GRID2: variants seen among roughly 807,000 people sequenced by gnomAD.
GRID2 encodes the protein glutamate ionotropic receptor delta type subunit 2, also known as glutamate receptor ionotropic, delta-2.
Under a neutral mutation model 114.8 loss-of-function variants are expected in GRID2, and 33 were observed. The ratio of observed to expected loss-of-function variants is 0.29; its 90% CI spans 0.22 to 0.38. The LOEUF (loss-of-function observed/expected upper bound fraction) is 0.38. Ranked by LOEUF, GRID2 falls within the 10% of genes least tolerant of loss-of-function variation. The pLI is 1.00. For missense variants in GRID2, 1,184 were observed against 1,257.7 expected (o/e 0.94, Z 0.89); for synonymous variants, 505 against 449.9 (o/e 1.12, Z -1.55).
chr4:93,503,267 G>A (rs1728301093), intron 12 of GRID2, among the ~76,000 whole-genome samples: 1 of 152,054 alleles, frequency 6.6e-6, no homozygotes, highest in Non-Finnish European at 1.5e-5. Flanking sequence ...TATTATTAAA[G>A]GAGACTGAAG....
chr4:93,132,146 G>A (rs564570613), intron 4 of GRID2, among the ~76,000 whole-genome samples: 94 of 152,242 alleles, frequency 6.2e-4, no homozygotes, highest in African/African-American at 2.1e-3. Flanking sequence ...AGTATAGGCC[G>A]GGATGTTGCA....
chr4:93,453,054 A>G (rs1354554133), intron 10 of GRID2, among the ~76,000 whole-genome samples: 1 of 103,390 alleles, frequency 9.7e-6, no homozygotes, highest in Non-Finnish European at 1.9e-5. Flanking sequence ...CCACCCCACA[A>G]CAGGCCCCGG....
chr4:93,140,422 T>C (rs77400635), intron 4 of GRID2, among the ~76,000 whole-genome samples: 11,913 of 152,174 alleles, frequency 0.078, 551 homozygotes, highest in East Asian at 0.23. Flanking sequence ...CCTCCCAAAG[T>C]GCTGGGATTA....
At position 93,316,276 on chromosome 4, in the gene GRID2, A is replaced by AAAAGAACGAAAGAACG. The variant is rs1245535342; in HGVS notation, c.1245+77793_1245+77808dup. On this transcript the variant is annotated intron_variant, in intron 8 of 15. Coordinates refer to ENST00000282020, the MANE Select transcript of GRID2 (RefSeq NM_001510.4). The stretch of plus-strand genomic sequence containing the variant: ...AAAAAAGAAAGAAAGAGAAAGAAAG[A>AAAAGAACGAAAGAACG]AAAGAACGAAAGAACGAAAGAAAGA... Among the ~76,000 whole-genome samples, 160 of 57,378 alleles carry AAAAGAACGAAAGAACG rather than the reference A, an allele frequency of 2.8e-3. 2 individuals are homozygous for AAAAGAACGAAAGAACG. The Middle Eastern group carries it at 0.029, about 10-fold the overall frequency. The allele number at this position is 57,378 out of a possible 152,430, so 37.6% of individuals were successfully genotyped here. A position where few individuals can be genotyped will look rare whatever the true frequency, so the allele number is the denominator to read the frequency against.
chr4:92,904,868 C>G (rs1307356561), intron 2 of GRID2, among the ~76,000 whole-genome samples: 1 of 151,926 alleles, frequency 6.6e-6, no homozygotes, highest in East Asian at 1.9e-4. Context: ...GTCCATAAAG[C>G]TTTATGACTT....
At chr4:93,219,297 T>C (rs949137842) in intron 6 of GRID2, among the ~76,000 whole-genome samples, 2 of 152,170 alleles carry the variant, frequency 1.3e-5, no homozygotes, top group African/African-American at 4.8e-5. Context: ...TACAGCATAT[T>C]TGCCTAACAA....
chr4:93,453,755 G>C (rs1722936391), intron 10 of GRID2, among the ~76,000 whole-genome samples: 1 of 151,842 alleles, frequency 6.6e-6, no homozygotes, highest in Non-Finnish European at 1.5e-5. Context: ...TCCTCCTCAG[G>C]TGGAATTTTC....
intron 1 of GRID2, among the ~76,000 whole-genome samples, chr4:92,379,974 T>C (rs1425858940): frequency 6.6e-6 from 1 of 151,890 alleles, no homozygotes; most frequent in African/African-American, 2.4e-5. Flanking sequence ...GAGAAGAAAA[T>C]ATCGTTTGTT....
chr4:92,541,440 TCATGGAATGTGAAAAAAC>T lies in GRID2; in HGVS notation c.89-48687_89-48670del, dbSNP rs1410719753. On this transcript the variant is annotated intron_variant, in intron 1 of 15. Transcript: ENST00000282020. The stretch of plus-strand genomic sequence containing the variant: ...ACTTTAATCTTTATATTTGAAAGCT[TCATGGAATGTGAAAAAAC>T]CATATTAATCTTATCTCAATTTTCC... 3.7e-4 allele frequency among the ~76,000 whole-genome samples: 56 copies of T among 151,930 alleles called. 1 individual carries two copies. Among genetic ancestry groups the T allele is most frequent in the Admixed American group, 3.7e-3 (56 of 15,230 alleles).
chr4:92,528,428 T>C (rs554449127), intron 1 of GRID2, among the ~76,000 whole-genome samples: 32 of 151,960 alleles, frequency 2.1e-4, no homozygotes, highest in Non-Finnish European at 3.8e-4. Context: ...TTTAAAACTT[T>C]CCTTTTCCAA....
At chr4:92,332,296 G>A (rs183840155) in intron 1 of GRID2, among the ~76,000 whole-genome samples, 15 of 152,140 alleles carry the variant, frequency 9.9e-5, no homozygotes, top group East Asian at 5.8e-4. Flanking sequence ...CAGGGCATTC[G>A]TGAGAGAACA....
chr4:92,915,856 T>C (rs1192664080), intron 2 of GRID2, among the ~76,000 whole-genome samples: 2 of 152,166 alleles, frequency 1.3e-5, no homozygotes, highest in Non-Finnish European at 2.9e-5. Flanking sequence ...TGGCCACATG[T>C]ATGTCTTCTT....
intron 2 of GRID2, among the ~76,000 whole-genome samples, chr4:92,890,097 C>T (rs1355984150): frequency 6.6e-6 from 1 of 152,134 alleles, no homozygotes; most frequent in Non-Finnish European, 1.5e-5. Flanking sequence ...CATCCTTACA[C>T]CTTATACAAA....
chr4:93,782,917 ACACAC>A (rs1561002085), intron 1 of GRID2, among the ~76,000 whole-genome samples: 2 of 151,930 alleles, frequency 1.3e-5, no homozygotes, highest in African/African-American at 4.8e-5. Context: ...ACACACACAC[ACACAC>A]AAACTAATCT....
In GRID2 at chr4:93,515,206, A is replaced by G; in HGVS notation, c.1998-10A>G. The G allele has an allele frequency of 7.0e-7, 1 of 1,423,450 alleles. No individual in the cohort carries two copies. Among genetic ancestry groups the G allele is most frequent in the Non-Finnish European group, 9.6e-7 (1 of 1,042,306 alleles). 88.2% of individuals were successfully genotyped at this position (1,423,450 alleles called of 1,614,324 possible). ...GTCTCTTGTGTCTCTCTTCTCTCCC[A>G]ATAATCAAGGTCTCTCCAGGACCTT... On this transcript the variant is annotated splice_polypyrimidine_tract_variant and intron_variant, in intron 12 of 15. Coordinates refer to ENST00000282020, the MANE Select transcript of GRID2 (RefSeq NM_001510.4).
chr4:92,556,800 A>G (rs1404040197), intron 1 of GRID2, among the ~76,000 whole-genome samples: 1 of 152,132 alleles, frequency 6.6e-6, no homozygotes, highest in African/African-American at 2.4e-5. Flanking sequence ...TCTAGTTAGT[A>G]TGAGCAAGCC....
At chr4:93,629,058 C>T (rs555527432) in intron 14 of GRID2, among the ~76,000 whole-genome samples, 18 of 152,128 alleles carry the variant, frequency 1.2e-4, no homozygotes, top group Admixed American at 2.6e-4. Flanking sequence ...TGAGCCACCG[C>T]GCCCAGCGAT....
intron 14 of GRID2, among the ~76,000 whole-genome samples, chr4:93,666,417 G>A (rs577010537): frequency 6.6e-6 from 1 of 152,002 alleles, no homozygotes; most frequent in East Asian, 1.9e-4. Context: ...TTTTCAGAGA[G>A]GTATTTAAGC....
At chr4:93,330,856 T>A (rs1758353215) in intron 8 of GRID2, among the ~76,000 whole-genome samples, 1 of 152,092 alleles carries the variant, frequency 6.6e-6, no homozygotes, top group African/African-American at 2.4e-5. Flanking sequence ...AGGTGTTGAT[T>A]GGAAGAGGAT....
Sources: gnomAD v4.1 joint callset for allele counts (sites outside exome capture counted in the v4.1 genomes callset) on GRCh38, gnomAD v4.1.1 for gene constraint, MANE v1.5 for transcripts, NCBI Gene and HGNC (gene_info 2026-07-23, HGNC 2026-07-21) for gene names.